Variants in PRKCE observed in about 807,000 individuals in gnomAD.
PRKCE encodes protein kinase C epsilon type.
In PRKCE, 16 loss-of-function variants were observed where a neutral mutation model predicts 85.4. The observed-to-expected ratio is 0.19, with a 90% CI of 0.13 to 0.28. The LOEUF (loss-of-function observed/expected upper bound fraction) is 0.28. Ranked by LOEUF, PRKCE falls within the 10% of genes least tolerant of loss-of-function variation. The pLI, the probability that PRKCE is intolerant of heterozygous loss-of-function variation, is 1.00. For synonymous variants in PRKCE, 388 were observed against 371.5 expected, an observed-to-expected ratio of 1.04 and a Z score of -0.51; for missense variants, 573 against 975.2, an observed-to-expected ratio of 0.59 and a Z score of 5.49.
Position 45,786,084 on chromosome 2 carries a change from C to T in PRKCE, c.349-56916C>T, listed in dbSNP as rs56977187. Among the ~76,000 whole-genome samples the T allele has an allele frequency of 0.036, 5,490 of 152,164 alleles. 207 individuals carry two copies. The highest frequency in any genetic ancestry group is 0.12 in the East Asian group (605 of 5,164). ...GGGGTGAATAGATACCTGCTTCTCT[C>T]CAGGGACCTATGGCCTTCCATAGGC... On this transcript the variant is annotated intron_variant, in intron 1 of 14. Transcript: ENST00000306156. This position sits in a 1 kb window ranked among gnomAD's most constrained non-coding sequence, Gnocchi z 5.3.
intron 11 of PRKCE, among the ~76,000 whole-genome samples, chr2:46,102,907 G>A (rs1265228392): frequency 6.6e-6 from 1 of 152,152 alleles, no homozygotes; most frequent in Non-Finnish European, 1.5e-5. Flanking sequence ...TTTCTCCACT[G>A]TAAAGTTTCT....
At chr2:45,809,159 CT>C (rs1445652074) in intron 1 of PRKCE, among the ~76,000 whole-genome samples, 2 of 152,162 alleles carry the variant, frequency 1.3e-5, no homozygotes, top group African/African-American at 4.8e-5. Context: ...TCCTGGAACT[CT>C]ATAGGCATTC....
chr2:46,103,747 ATATT>A (rs1422956547), intron 11 of PRKCE, among the ~76,000 whole-genome samples: 4 of 152,184 alleles, frequency 2.6e-5, no homozygotes, highest in African/African-American at 9.7e-5. Flanking sequence ...AGAAAAGAAA[ATATT>A]TATAGAAAAT....
At chr2:46,165,837 T>C (rs1443996531) in intron 14 of PRKCE, among the ~76,000 whole-genome samples, 1 of 152,162 alleles carries the variant, frequency 6.6e-6, no homozygotes, top group African/African-American at 2.4e-5. Flanking sequence ...GAGGGAGAGA[T>C]TTGCCTCCCC....
intron 10 of PRKCE, among the ~76,000 whole-genome samples, chr2:46,011,637 C>T (rs549844794): frequency 1.3e-5 from 2 of 152,296 alleles, no homozygotes; most frequent in East Asian, 1.9e-4. Context: ...TCACTGCAAA[C>T]GTAACCTCTC....
chr2:46,100,234 A>G (rs12615981), intron 11 of PRKCE, among the ~76,000 whole-genome samples: 41,083 of 151,902 alleles, frequency 0.27, 5,761 homozygotes, highest in South Asian at 0.42. Context: ...TCAGAGATCC[A>G]GGCCCACAAT....
intron 1 of PRKCE, among the ~76,000 whole-genome samples, chr2:45,771,268 A>G (rs1685305623): frequency 6.6e-6 from 1 of 152,222 alleles, no homozygotes; most frequent in Admixed American, 6.5e-5. Context: ...CAGAAGGCAA[A>G]GTGAAAAGGA....
At chr2:45,745,380 T>C (rs2104695551) in intron 1 of PRKCE, among the ~76,000 whole-genome samples, 1 of 152,268 alleles carries the variant, frequency 6.6e-6, no homozygotes, top group East Asian at 1.9e-4. Context: ...GGGAGGCTTC[T>C]TTCCCTATCT....
At chr2:45,955,886 T>C (rs896328127) in intron 2 of PRKCE, among the ~76,000 whole-genome samples, 4 of 152,222 alleles carry the variant, frequency 2.6e-5, no homozygotes, top group Admixed American at 2.6e-4. Context: ...TACAGTCGTA[T>C]AACCATTATC....
At chr2:45,829,059 G>C (rs773266322) in intron 1 of PRKCE, among the ~76,000 whole-genome samples, 1 of 151,722 alleles carries the variant, frequency 6.6e-6, no homozygotes, top group Non-Finnish European at 1.5e-5. Context: ...GTAGCTAATG[G>C]TTTGAATATG....
chr2:45,932,606 G>C (rs1024476741), intron 2 of PRKCE, among the ~76,000 whole-genome samples: 4 of 152,048 alleles, frequency 2.6e-5, no homozygotes, highest in Non-Finnish European at 5.9e-5. Flanking sequence ...GTTCTGGTGG[G>C]TATGTTTTAT....
At chr2:46,178,370 A>T (rs377712330) in intron 14 of PRKCE, among the ~76,000 whole-genome samples, 4 of 152,366 alleles carry the variant, frequency 2.6e-5, no homozygotes, top group African/African-American at 9.6e-5. Flanking sequence ...AGAAAATCCA[A>T]AAGTATGAAC....
Position 45,884,995 on chromosome 2 carries a change from A to AT in PRKCE, c.412+41933dup, listed in dbSNP as rs1210402363. ...TATATATATATATATATATATATAT[A>AT]TATATATTTGTTGTTGTTGTTGTTG... On this transcript the variant is annotated intron_variant, in intron 2 of 14. Transcript: ENST00000306156. 8.5e-5 allele frequency among the ~76,000 whole-genome samples: 6 copies of AT among 70,252 alleles called. 1 individual carries two copies. In the East Asian group the frequency reaches 3.0e-3, roughly 35 times the overall value. 46.1% of individuals were successfully genotyped at this position (70,252 alleles called of 152,430 possible). A position where few individuals can be genotyped will look rare whatever the true frequency, so the allele number is the denominator to read the frequency against.
intron 1 of PRKCE, among the ~76,000 whole-genome samples, chr2:45,760,315 G>C (rs1184199169): frequency 1.3e-5 from 2 of 152,178 alleles, no homozygotes; most frequent in Non-Finnish European, 2.9e-5. Context: ...CTCCAGTTGA[G>C]CACTGGATTT....
At chr2:45,897,510 T>C (rs1443048738) in intron 2 of PRKCE, among the ~76,000 whole-genome samples, 1 of 152,238 alleles carries the variant, frequency 6.6e-6, no homozygotes, top group East Asian at 1.9e-4. Context: ...GTCAAATGGA[T>C]GAAAGAATAG....
At chr2:45,999,219 A>G (rs1262734348) in intron 6 of PRKCE, among the ~76,000 whole-genome samples, 5 of 152,018 alleles carry the variant, frequency 3.3e-5, no homozygotes, top group Non-Finnish European at 7.4e-5. Flanking sequence ...GAGCTGTATC[A>G]TTTGTCTTCT....
chr2:45,808,647 G>A (rs1247024459), intron 1 of PRKCE, among the ~76,000 whole-genome samples: 1 of 152,152 alleles, frequency 6.6e-6, no homozygotes, highest in Non-Finnish European at 1.5e-5. Flanking sequence ...GTTGGGTGGT[G>A]GGAGGGCTGT....
At chr2:45,886,298 C>G (rs939859839) in intron 2 of PRKCE, among the ~76,000 whole-genome samples, 6 of 152,146 alleles carry the variant, frequency 3.9e-5, no homozygotes, top group African/African-American at 1.4e-4. Context: ...CTCTGAGCTC[C>G]GTAGCCTGTG....
At chr2:46,107,372 G>T (rs1018967858) in intron 11 of PRKCE, among the ~76,000 whole-genome samples, 2 of 152,188 alleles carry the variant, frequency 1.3e-5, no homozygotes, top group Non-Finnish European at 2.9e-5. Flanking sequence ...GCCGGGCACG[G>T]TGGCTCATGC....
Sources: allele counts gnomAD v4.1 joint callset (sites outside exome capture counted in the v4.1 genomes callset), GRCh38; gene constraint gnomAD v4.1.1; non-coding constraint Gnocchi (gnomAD v3.1); transcripts MANE v1.5; gene names NCBI Gene and HGNC (gene_info 2026-07-23, HGNC 2026-07-21).